PSD3: variants seen among roughly 807,000 people sequenced by gnomAD.
PSD3 encodes the protein PH and SEC7 domain-containing protein 3.
PSD3 carries 49 observed loss-of-function variants against 105.5 expected under a neutral mutation model. The observed-to-expected ratio is 0.46, with a 90% CI of 0.37 to 0.59. The LOEUF (loss-of-function observed/expected upper bound fraction) is 0.59, where lower values mean the gene tolerates loss of function less well. Ranked by LOEUF, PSD3 falls within the 20% of genes least tolerant of loss-of-function variation. The pLI is 0.00. For missense variants in PSD3, 1,561 were observed against 1,263.8 expected (o/e 1.24, Z -3.57); for synonymous variants, 557 against 457.8 (o/e 1.22, Z -2.77).
chr8:19,044,782 A>T (rs1828253814), intron 1 of PSD3, among the ~76,000 whole-genome samples: 1 of 150,078 alleles, frequency 6.7e-6, no homozygotes, highest in South Asian at 2.1e-4. Context: ...TACAGAAGAG[A>T]TTCTTCAAGG....
chr8:18,920,030 AAC>A (rs1239774566), intron 2 of PSD3, among the ~76,000 whole-genome samples: 9 of 147,410 alleles, frequency 6.1e-5, no homozygotes, highest in African/African-American at 2.0e-4. Context: ...AAAAAAAAAA[AAC>A]AATCACAAAA....
At chr8:18,656,806 A>G (rs1808930472) in intron 9 of PSD3, among the ~76,000 whole-genome samples, 2 of 152,046 alleles carry the variant, frequency 1.3e-5, no homozygotes, top group African/African-American at 4.8e-5. Context: ...AACAGCCTCA[A>G]ACTCCAGGGC....
At chr8:18,973,533 G>C (rs1308550098) in intron 1 of PSD3, among the ~76,000 whole-genome samples, 1 of 152,114 alleles carries the variant, frequency 6.6e-6, no homozygotes, top group Non-Finnish European at 1.5e-5. Flanking sequence ...TACTGGATTA[G>C]GGGCCCATCC....
chr8:18,587,669 G>T (rs1473836862), intron 12 of PSD3, among the ~76,000 whole-genome samples: 1 of 152,068 alleles, frequency 6.6e-6, no homozygotes. Flanking sequence ...TGCTTAGGGG[G>T]CCTTCTTCAG....
rs111668367 is a variant in PSD3, at chr8:18,546,708, A to C, written c.2928+9501T>G. Among the ~76,000 whole-genome samples the C allele has an allele frequency of 2.3e-3, 349 of 152,286 alleles. 2 individuals are homozygous for C. Among genetic ancestry groups the C allele is most frequent in the African/African-American group, 7.9e-3 (329 of 41,556 alleles). On this transcript the variant is annotated intron_variant, in intron 15 of 15. Coordinates refer to ENST00000327040, the MANE Select transcript of PSD3 (RefSeq NM_015310.4). ...TACATTATTATTAAATACAATCACCATGTTGTACATTAGGTCTCCAGAACT... is the reference window on the plus strand; with the variant it reads ...TACATTATTATTAAATACAATCACCCTGTTGTACATTAGGTCTCCAGAACT...
intron 4 of PSD3, among the ~76,000 whole-genome samples, chr8:18,810,348 T>G (rs140320990): frequency 6.6e-6 from 1 of 152,252 alleles, no homozygotes; most frequent in East Asian, 1.9e-4. Flanking sequence ...CTATCAATAA[T>G]GGTATGTGGC....
At chr8:18,921,985 C>T (rs1821051806) in intron 2 of PSD3, among the ~76,000 whole-genome samples, 1 of 152,084 alleles carries the variant, frequency 6.6e-6, no homozygotes, top group Admixed American at 6.6e-5. Context: ...TAAAAGTTAG[C>T]TCAATATTTT....
intron 9 of PSD3, among the ~76,000 whole-genome samples, chr8:18,684,749 G>T (rs769192876): frequency 6.6e-6 from 1 of 152,102 alleles, no homozygotes; most frequent in Non-Finnish European, 1.5e-5. Context: ...ATGACTGGGG[G>T]GTTAGCACAG....
chr8:18,958,872 T>C lies in PSD3; in HGVS notation c.22-22730A>G, dbSNP rs114517288. ...CATCATACTTAATGGTGAAATTTTG[T>C]TCCAATAAGTCCTATATACAAACAG... On this transcript the variant is annotated intron_variant, in intron 1 of 15. Transcript: ENST00000327040. Among the ~76,000 whole-genome samples the C allele has an allele frequency of 2.3e-3, 347 of 152,168 alleles. 5 individuals carry two copies. Among genetic ancestry groups the C allele is most frequent in the African/African-American group, 7.1e-3 (294 of 41,548 alleles).
intron 4 of PSD3, among the ~76,000 whole-genome samples, chr8:18,825,509 A>G (rs1813102162): frequency 6.6e-6 from 1 of 152,242 alleles, no homozygotes; most frequent in Non-Finnish European, 1.5e-5. Flanking sequence ...TAGAGGATAA[A>G]TAATAATTAG....
At chr8:18,948,022 T>G (rs562986497) in intron 1 of PSD3, among the ~76,000 whole-genome samples, 115 of 152,298 alleles carry the variant, frequency 7.6e-4, no homozygotes, top group African/African-American at 2.6e-3. Context: ...AACAACCGAC[T>G]ATTATGAGTT....
chr8:18,634,076 T>C (rs1314094820), intron 10 of PSD3, among the ~76,000 whole-genome samples: 1 of 152,120 alleles, frequency 6.6e-6, no homozygotes, highest in Non-Finnish European at 1.5e-5. Context: ...TTGAGAACAG[T>C]CTGCTCATGT....
intron 9 of PSD3, among the ~76,000 whole-genome samples, chr8:18,707,368 A>C (rs935297529): frequency 1.6e-4 from 25 of 152,180 alleles, no homozygotes; most frequent in African/African-American, 6.0e-4. Context: ...TAAGTAGCAG[A>C]TTCTCAAGAA....
intron 1 of PSD3, among the ~76,000 whole-genome samples, chr8:18,964,008 G>A (rs11204007): frequency 0.41 from 62,070 of 152,064 alleles, 12,929 homozygotes; most frequent in African/African-American, 0.43. Context: ...AGAAGACAGC[G>A]CACACATGCA....
chr8:18,637,364 G>A (rs1807331426), intron 10 of PSD3, among the ~76,000 whole-genome samples: 1 of 152,076 alleles, frequency 6.6e-6, no homozygotes, highest in African/African-American at 2.4e-5. Context: ...CATTTCTTGT[G>A]ATGTTCAGAT....
intron 11 of PSD3, among the ~76,000 whole-genome samples, chr8:18,608,139 C>G (rs537566134): frequency 1.6e-3 from 247 of 152,250 alleles, no homozygotes; most frequent in Non-Finnish European, 2.9e-3. Flanking sequence ...AGGACTGTTT[C>G]AGTCCAGGAG....
chr8:18,571,982 G>T (rs745753220), intron 14 of PSD3, among the ~76,000 whole-genome samples: 1 of 152,172 alleles, frequency 6.6e-6, no homozygotes, highest in Non-Finnish European at 1.5e-5. Flanking sequence ...ACCACAGAAG[G>T]AGGCTTATGT....
At chr8:18,944,618 A>G (rs2129469615) in intron 1 of PSD3, among the ~76,000 whole-genome samples, 1 of 129,384 alleles carries the variant, frequency 7.7e-6, no homozygotes, top group South Asian at 2.6e-4. Context: ...AAATAAATAA[A>G]TAAAGTTTAA....
intron 2 of PSD3, among the ~76,000 whole-genome samples, chr8:18,909,427 A>C (rs986576461): frequency 6.6e-6 from 1 of 152,106 alleles, no homozygotes; most frequent in Non-Finnish European, 1.5e-5. Context: ...ATAAAAGGGT[A>C]TTTGGTCTTG....
Sources: gnomAD v4.1 joint callset for allele counts (sites outside exome capture counted in the v4.1 genomes callset) on GRCh38, gnomAD v4.1.1 for gene constraint, MANE v1.5 for transcripts, NCBI Gene and HGNC (gene_info 2026-07-23, HGNC 2026-07-21) for gene names.